NAV3: variants seen among roughly 807,000 people sequenced by gnomAD.
NAV3 encodes pore membrane and/or filament interacting like protein 1.
NAV3 carries 87 observed loss-of-function variants against 244.7 expected under a neutral mutation model. The ratio of observed to expected loss-of-function variants is 0.36; its 90% CI spans 0.30 to 0.42. NAV3 has a LOEUF of 0.42. Among genes scored for constraint, NAV3 ranks in the 20% least tolerant of loss-of-function variants. NAV3 has a pLI of 1.00. For synonymous variants in NAV3, 1,126 were observed against 1,042.2 expected, an observed-to-expected ratio of 1.08 and a Z score of -1.55; for missense variants, 2,663 against 2,893.3, an observed-to-expected ratio of 0.92 and a Z score of 1.83.
At chr12:77,942,372 C>T (rs1054954725) in intron 3 of NAV3, among the ~76,000 whole-genome samples, 3 of 148,484 alleles carry the variant, frequency 2.0e-5, no homozygotes, top group African/African-American at 7.5e-5. Context: ...AACTCTGTCT[C>T]GAAAAAATAA....
At chr12:77,806,784 T>C (rs1252608093) in intron 2 of NAV3, among the ~76,000 whole-genome samples, 2 of 152,220 alleles carry the variant, frequency 1.3e-5, no homozygotes, top group Non-Finnish European at 2.9e-5. Context: ...TCTCCCACTA[T>C]TATTGTGTGG....
intron 12 of NAV3, among the ~76,000 whole-genome samples, chr12:78,112,239 G>T (rs1302981343): frequency 6.6e-6 from 1 of 152,166 alleles, no homozygotes; most frequent in Non-Finnish European, 1.5e-5. Context: ...CCAGAAGATT[G>T]TTTTTCTCAT....
chr12:77,760,942 A>G (rs570090184), intron 2 of NAV3, among the ~76,000 whole-genome samples: 1 of 152,352 alleles, frequency 6.6e-6, no homozygotes, highest in Admixed American at 6.5e-5. Context: ...TAAAAGCAAA[A>G]GAAACCCCAC....
At chr12:78,047,508 A>T (rs2030196438) in intron 9 of NAV3, among the ~76,000 whole-genome samples, 1 of 151,898 alleles carries the variant, frequency 6.6e-6, no homozygotes, top group Non-Finnish European at 1.5e-5. Flanking sequence ...AACAAAACAA[A>T]ACAAAAAAAT....
chr12:78,191,448 C>T (rs1156311782), intron 34 of NAV3, among the ~76,000 whole-genome samples: 1 of 152,150 alleles, frequency 6.6e-6, no homozygotes, highest in East Asian at 1.9e-4. Flanking sequence ...CGCACATACA[C>T]ATACAACCAC....
At chr12:78,030,472 C>T (rs1878792097) in intron 9 of NAV3, among the ~76,000 whole-genome samples, 1 of 152,160 alleles carries the variant, frequency 6.6e-6, no homozygotes, top group Non-Finnish European at 1.5e-5. Flanking sequence ...GGCTTCAGCA[C>T]TGCAATTATT....
At position 77,831,473 on chromosome 12, in the gene NAV3, T is replaced by G; in HGVS notation, c.12T>G (p.Leu4=). Residue 4 remains leucine, a synonymous_variant, in exon 1 of 40, where the codon CTT becomes CTG. Coordinates refer to ENST00000397909, the MANE Select transcript of NAV3 (RefSeq NM_001024383.2). The stretch of plus-strand genomic sequence containing the variant: ...ATTTTATAGAAGCCATGCCTGTTCT[T>G]GGGGTTGCCTCAAAACTGAGGCAGC... MPV[L]GVASKLRQPA... 6.2e-7 allele frequency: 1 copy of G among 1,605,108 alleles called. No homozygotes were observed. The highest frequency in any genetic ancestry group is 1.1e-5 in the South Asian group (1 of 88,940).
intron 2 of NAV3, among the ~76,000 whole-genome samples, chr12:77,592,593 A>T (rs1869957019): frequency 6.6e-6 from 1 of 152,172 alleles, no homozygotes; most frequent in Non-Finnish European, 1.5e-5. Flanking sequence ...AGCCTCCCTT[A>T]ATGGAGATAA....
intron 1 of NAV3, among the ~76,000 whole-genome samples, chr12:77,931,750 C>G (rs1888820565): frequency 6.6e-6 from 1 of 151,928 alleles, no homozygotes; most frequent in Non-Finnish European, 1.5e-5. Flanking sequence ...GTCTGTAGTC[C>G]CAGCTACTCG....
At chr12:78,064,398 T>C (rs138125542) in intron 12 of NAV3, among the ~76,000 whole-genome samples, 48 of 104,220 alleles carry the variant, frequency 4.6e-4, no homozygotes, top group Admixed American at 3.2e-3. Flanking sequence ...TCTATCTGTG[T>C]CTGTCTGTCT....
At chr12:77,862,570 T>G (rs1879405578) in intron 1 of NAV3, among the ~76,000 whole-genome samples, 1 of 151,844 alleles carries the variant, frequency 6.6e-6, no homozygotes, top group African/African-American at 2.4e-5. Flanking sequence ...GAGAAAACGT[T>G]TATTAAGTTA....
chr12:78,158,957 T>C (rs1181386831), intron 22 of NAV3, among the ~76,000 whole-genome samples: 1 of 152,196 alleles, frequency 6.6e-6, no homozygotes, highest in Non-Finnish European at 1.5e-5. Context: ...AATACCATCT[T>C]CTTTCAGAAG....
At chr12:77,610,077 T>C (rs578210218) in intron 2 of NAV3, among the ~76,000 whole-genome samples, 2 of 152,076 alleles carry the variant, frequency 1.3e-5, no homozygotes, top group Non-Finnish European at 2.9e-5. Flanking sequence ...CCTTTTTCAA[T>C]GTATTTTTGT....
chr12:77,932,495 T>C (rs1245699546), intron 1 of NAV3, among the ~76,000 whole-genome samples: 1 of 152,142 alleles, frequency 6.6e-6, no homozygotes, highest in African/African-American at 2.4e-5. Context: ...TCCACACTCA[T>C]ATATTGTGTT....
At chr12:78,089,229 T>C (rs1426522592) in intron 12 of NAV3, among the ~76,000 whole-genome samples, 2 of 152,164 alleles carry the variant, frequency 1.3e-5, no homozygotes. Flanking sequence ...AGATTTCTTT[T>C]TTCTGAGGTT....
At chr12:78,043,132 T>G (rs529509674) in intron 9 of NAV3, among the ~76,000 whole-genome samples, 169 of 152,172 alleles carry the variant, frequency 1.1e-3, no homozygotes, top group Non-Finnish European at 1.5e-3. Context: ...CCCCTTCCTG[T>G]GTCCATGTGT....
intron 1 of NAV3, among the ~76,000 whole-genome samples, chr12:77,922,196 A>C (rs1393505401): frequency 2.6e-5 from 4 of 152,156 alleles, no homozygotes; most frequent in Non-Finnish European, 5.9e-5. Context: ...ATGCCAAAAT[A>C]GCTACCTTGG....
chr12:77,719,511 G>C (rs1315191731), intron 2 of NAV3, among the ~76,000 whole-genome samples: 1 of 151,530 alleles, frequency 6.6e-6, no homozygotes, highest in East Asian at 2.0e-4. Flanking sequence ...GTGTTTTTAT[G>C]AAAGGGTGTT....
chr12:78,091,602 C>T (rs1953937105), intron 12 of NAV3: 2 of 151,618 alleles, frequency 1.3e-5, no homozygotes, highest in Admixed American at 1.3e-4. Flanking sequence ...CGAGACCATC[C>T]CGGCTAAAAC....
Sources: allele counts gnomAD v4.1 joint callset (sites outside exome capture counted in the v4.1 genomes callset), GRCh38; gene constraint gnomAD v4.1.1; transcripts MANE v1.5; gene names NCBI Gene and HGNC (gene_info 2026-07-23, HGNC 2026-07-21).